LTBP1: variants seen among roughly 807,000 people sequenced by gnomAD.
LTBP1 encodes the protein latent transforming growth factor beta binding protein 1.
LTBP1 carries 129 observed loss-of-function variants against 207.6 expected under a neutral mutation model. The observed-to-expected ratio is 0.62, with a 90% CI of 0.54 to 0.72. The LOEUF is 0.72. Among genes scored for constraint, LTBP1 ranks in the 30% least tolerant of loss-of-function variants. The pLI, the probability that LTBP1 is intolerant of heterozygous loss-of-function variation, is 0.00. For synonymous variants in LTBP1, 963 were observed against 833.7 expected (o/e 1.16, Z -2.67); for missense variants, 2,281 against 2,217.2 (o/e 1.03, Z -0.58).
At chr2:33,025,574 G>A (rs946287795) in intron 3 of LTBP1, among the ~76,000 whole-genome samples, 1 of 152,144 alleles carries the variant, frequency 6.6e-6, no homozygotes, top group Non-Finnish European at 1.5e-5. Context: ...AGATAACAAT[G>A]ACGATTTATA....
In LTBP1 at chr2:33,300,489, G is replaced by A. The variant is rs774524181; in HGVS notation, c.3274G>A (p.Gly1092Arg). 1.1e-5 allele frequency: 17 copies of A among 1,613,428 alleles called. No individual in the cohort carries two copies. The highest frequency in any genetic ancestry group is 3.3e-5 in the Admixed American group (2 of 59,960). ...ECQQGNLCVN[G>R]QCKNTEGSFR... is the part of the protein sequence containing the mutation. ...TCAGCAAGGGAATCTATGTGTAAAC[G>A]GGCAGTGCAAAAATACCGAGGGCTC... Residue 1092 changes from glycine (G) to arginine (R), a missense_variant, in exon 21 of 34, where the codon GGG becomes AGG. This residue lies in a region of LTBP1 where 1,671 missense variants were observed against 1,634.8 expected (regional missense o/e 1.02). Coordinates refer to ENST00000404816, the MANE Select transcript of LTBP1 (RefSeq NM_206943.4).
At chr2:33,175,348 T>C (rs2085920672) in intron 5 of LTBP1, among the ~76,000 whole-genome samples, 1 of 151,996 alleles carries the variant, frequency 6.6e-6, no homozygotes, top group Admixed American at 6.6e-5. Flanking sequence ...GCGAAGGATA[T>C]GAACAGACAC....
At chr2:33,264,821 G>A (rs1340375052) in intron 15 of LTBP1, among the ~76,000 whole-genome samples, 1 of 152,172 alleles carries the variant, frequency 6.6e-6, no homozygotes, top group Non-Finnish European at 1.5e-5. Flanking sequence ...ATCCAGATAT[G>A]TAGAAAGAGC....
intron 19 of LTBP1, among the ~76,000 whole-genome samples, chr2:33,282,485 A>G (rs1209828306): frequency 6.6e-6 from 1 of 152,134 alleles, no homozygotes; most frequent in Non-Finnish European, 1.5e-5. Flanking sequence ...AAATGTCGAG[A>G]AGTTGACTGT....
At chr2:33,193,023 A>G (rs2088090094) in intron 7 of LTBP1, among the ~76,000 whole-genome samples, 1 of 152,228 alleles carries the variant, frequency 6.6e-6, no homozygotes, top group South Asian at 2.1e-4. Flanking sequence ...TTTCTAACAC[A>G]TGAACTTTGG....
intron 23 of LTBP1, among the ~76,000 whole-genome samples, chr2:33,311,774 C>T (rs2094191695): frequency 6.6e-6 from 1 of 152,176 alleles, no homozygotes; most frequent in African/African-American, 2.4e-5. Flanking sequence ...ACTTCATTCT[C>T]TCAATATATT....
At chr2:33,003,424 C>T (rs1686337240) in intron 2 of LTBP1, among the ~76,000 whole-genome samples, 1 of 152,198 alleles carries the variant, frequency 6.6e-6, no homozygotes, top group African/African-American at 2.4e-5. Context: ...AAAGGTCATG[C>T]AGCCAGTTAG....
At chr2:33,139,761 C>T (rs543498302) in intron 5 of LTBP1, among the ~76,000 whole-genome samples, 1 of 152,064 alleles carries the variant, frequency 6.6e-6, no homozygotes, top group Non-Finnish European at 1.5e-5. Flanking sequence ...AAGAATTTAC[C>T]CCCCTAGAAT....
chr2:32,981,179 C>G (rs1219142645), intron 2 of LTBP1, among the ~76,000 whole-genome samples: 1 of 152,194 alleles, frequency 6.6e-6, no homozygotes. Context: ...CCCAGTCTCT[C>G]TCTCTACCTC....
At chr2:33,073,357 G>T (rs2077903313) in intron 3 of LTBP1, among the ~76,000 whole-genome samples, 1 of 149,024 alleles carries the variant, frequency 6.7e-6, no homozygotes, top group Non-Finnish European at 1.5e-5. Context: ...TCTGTGCTTT[G>T]ATAATAATCC....
intron 2 of LTBP1, among the ~76,000 whole-genome samples, chr2:32,957,817 G>A (rs1678332787): frequency 6.6e-6 from 1 of 152,184 alleles, no homozygotes; most frequent in Non-Finnish European, 1.5e-5. Flanking sequence ...AGGTCTGCCT[G>A]TACATGCATA....
At chr2:33,201,621 A>T (rs1420755068) in intron 7 of LTBP1, among the ~76,000 whole-genome samples, 1 of 150,176 alleles carries the variant, frequency 6.7e-6, no homozygotes, top group Non-Finnish European at 1.5e-5. Context: ...TAAAACTTAA[A>T]GTATAATGAT....
intron 10 of LTBP1, among the ~76,000 whole-genome samples, chr2:33,245,925 T>G (rs1199727821): frequency 1.3e-5 from 2 of 152,224 alleles, no homozygotes; most frequent in Non-Finnish European, 2.9e-5. Flanking sequence ...AGATCTGATG[T>G]CTAGAGTTGA....
chr2:33,114,371 A>AG (rs1227536862), intron 4 of LTBP1, among the ~76,000 whole-genome samples: 1 of 152,204 alleles, frequency 6.6e-6, no homozygotes, highest in Non-Finnish European at 1.5e-5. Flanking sequence ...CTTACCTCTC[A>AG]GGTTGTAGAT....
In LTBP1 at chr2:33,257,531, A is replaced by G. The variant is rs774723431; in HGVS notation, c.2395+20A>G. The G allele has an allele frequency of 1.3e-6, 2 of 1,587,720 alleles. No homozygotes were observed. Among genetic ancestry groups the G allele is most frequent in the Admixed American group, 1.7e-5 (1 of 59,684 alleles). On this transcript the variant is annotated intron_variant, in intron 12 of 33. Transcript: ENST00000404816. Reference sequence around the variant, plus strand: ...CAGAAGGTGAGAGCGGTAATGGATCATGGACTCTAGACATCTATCTGTGTG... The same window carrying G: ...CAGAAGGTGAGAGCGGTAATGGATCGTGGACTCTAGACATCTATCTGTGTG...
chr2:33,168,144 C>A (rs1276737238), intron 5 of LTBP1, among the ~76,000 whole-genome samples: 1 of 152,122 alleles, frequency 6.6e-6, no homozygotes, highest in Non-Finnish European at 1.5e-5. Context: ...TCTTGGGAAG[C>A]TGAGGCGGGA....
chr2:33,174,449 G>T (rs572787622), intron 5 of LTBP1, among the ~76,000 whole-genome samples: 1 of 152,094 alleles, frequency 6.6e-6, no homozygotes, highest in Non-Finnish European at 1.5e-5. Context: ...CAACTTACAA[G>T]GGATGTGAAG....
At chr2:33,139,490 G>C (rs147000472) in intron 5 of LTBP1, among the ~76,000 whole-genome samples, 1 of 152,184 alleles carries the variant, frequency 6.6e-6, no homozygotes, top group Non-Finnish European at 1.5e-5. Flanking sequence ...GCTAGCAGGC[G>C]CCCAGAGAAG....
At chr2:33,125,778 C>T (rs1211814962) in intron 4 of LTBP1, among the ~76,000 whole-genome samples, 2 of 150,526 alleles carry the variant, frequency 1.3e-5, no homozygotes, top group South Asian at 2.1e-4. Flanking sequence ...TGCAGTGAGC[C>T]GAGATGGTGC....
Sources: allele counts gnomAD v4.1 joint callset (sites outside exome capture counted in the v4.1 genomes callset), GRCh38; gene constraint gnomAD v4.1.1; regional missense constraint gnomAD v4.1.1; transcripts MANE v1.5; gene names NCBI Gene and HGNC (gene_info 2026-07-23, HGNC 2026-07-21).